The following CLCN4 variants were observed in gnomAD, a reference collection of about 807,000 sequenced individuals.
CLCN4 encodes H(+)/Cl(-) exchange transporter 4.
In CLCN4, 1 loss-of-function variant was observed where a neutral mutation model predicts 41.7. The ratio of observed to expected loss-of-function variants is 0.02; its 90% CI spans 0.01 to 0.11. CLCN4 has a LOEUF of 0.11. Ranked by LOEUF, CLCN4 falls within the 10% of genes least tolerant of loss-of-function variation. The pLI is 1.00. For missense variants in CLCN4, 287 were observed against 661.0 expected, an observed-to-expected ratio of 0.43 and a Z score of 6.20; for synonymous variants, 277 against 285.8, an observed-to-expected ratio of 0.97 and a Z score of 0.31.
At chrX:10,189,711 C>T (rs1482506978) in intron 4 of CLCN4, among the ~76,000 whole-genome samples, 2 of 112,369 alleles carry the variant, frequency 1.8e-5, no homozygotes. Flanking sequence ...GGCCGGCTGT[C>T]CCCTCAGTGG....
Position 10,201,347 on chromosome X carries a change from C to A in CLCN4, c.555+3286C>A, listed in dbSNP as rs1186083868. Among the ~76,000 whole-genome samples the A allele has an allele frequency of 5.4e-5, 6 of 111,988 alleles. No individual in the cohort carries two copies. The South Asian group carries it at 1.8e-3, about 34-fold the overall frequency. ...TCTCTATTTCCTAAATAGTTCATAA[C>A]AATCTTTTAAAGAACTTTCAGGAAC... is the stretch of plus-strand genomic sequence containing the variant. On this transcript the variant is annotated intron_variant, in intron 6 of 12. Coordinates refer to ENST00000380833, the MANE Select transcript of CLCN4 (RefSeq NM_001830.4).
intron 2 of CLCN4, among the ~76,000 whole-genome samples, chrX:10,177,117 GA>G (rs1245051427): frequency 4.4e-5 from 5 of 112,648 alleles, no homozygotes; most frequent in African/African-American, 9.7e-5. Context: ...ATATGGTTGA[GA>G]AAAAACCAAA....
At chrX:10,201,133 C>T (rs975618130) in intron 6 of CLCN4, among the ~76,000 whole-genome samples, 3 of 111,826 alleles carry the variant, frequency 2.7e-5, no homozygotes, top group East Asian at 2.8e-4. Context: ...AATGAAAAAA[C>T]GTATGTGCTA....
chrX:10,209,485 C>G (rs1002499331), intron 9 of CLCN4, among the ~76,000 whole-genome samples: 20 of 109,237 alleles, frequency 1.8e-4, no homozygotes, highest in African/African-American at 6.4e-4. Context: ...CTCAGCCTCC[C>G]AAGTAGCTGG....
At chrX:10,180,490 G>A (rs896896714) in intron 2 of CLCN4, among the ~76,000 whole-genome samples, 3 of 111,377 alleles carry the variant, frequency 2.7e-5, no homozygotes, top group Non-Finnish European at 3.8e-5. Context: ...CCACCTGGCC[G>A]GGCGCAGTGG....
chrX:10,194,778 C>A lies in CLCN4; in HGVS notation c.245-133C>A. 3 of 551,574 alleles carry A rather than the reference C, an allele frequency of 5.4e-6. No homozygotes were observed. The Admixed American group carries it at 8.8e-5, about 16-fold the overall frequency. The allele number at this position is 551,574 out of a possible 1,213,427, so 45.5% of individuals were successfully genotyped here. The stretch of plus-strand genomic sequence containing the variant: ...AAGCTTCCTATGTAAGTGACAGCCC[C>A]ATTGCAAGTTTATTGCCTGCTCTGG... On this transcript the variant is annotated intron_variant, in intron 4 of 12. Coordinates refer to ENST00000380833, the MANE Select transcript of CLCN4 (RefSeq NM_001830.4).
intron 3 of CLCN4, among the ~76,000 whole-genome samples, chrX:10,186,328 G>A (rs886575497): frequency 9.0e-6 from 1 of 111,340 alleles, no homozygotes; most frequent in African/African-American, 3.3e-5. Context: ...GGTGTGCAGA[G>A]ACAGAAGGGA....
intron 2 of CLCN4, among the ~76,000 whole-genome samples, chrX:10,158,846 G>T (rs1923023668): frequency 8.8e-6 from 1 of 113,556 alleles, no homozygotes; most frequent in Middle Eastern, 4.6e-3. Flanking sequence ...TCCGGCGGGG[G>T]AACAAAATCT....
At chrX:10,169,021 ATCT>A (rs1326666072) in intron 2 of CLCN4, among the ~76,000 whole-genome samples, 1 of 109,822 alleles carries the variant, frequency 9.1e-6, no homozygotes, top group Non-Finnish European at 1.9e-5. Context: ...CTTTTAAGAG[ATCT>A]TCTTTTTCAC....
chrX:10,166,074 G>A (rs1470696409), intron 2 of CLCN4, among the ~76,000 whole-genome samples: 1 of 112,156 alleles, frequency 8.9e-6, no homozygotes, highest in Non-Finnish European at 1.9e-5. Context: ...GTCAGAAAAT[G>A]GTGAAGGGAA....
intron 12 of CLCN4, among the ~76,000 whole-genome samples, chrX:10,224,111 C>A (rs972191450): frequency 2.7e-5 from 3 of 111,324 alleles, no homozygotes; most frequent in African/African-American, 6.6e-5. Context: ...TATGCACGAA[C>A]CCAAGGCAGC....
intron 12 of CLCN4, among the ~76,000 whole-genome samples, chrX:10,231,516 A>G (rs181048253): frequency 9.0e-6 from 1 of 110,594 alleles, no homozygotes; most frequent in East Asian, 2.8e-4. Flanking sequence ...TTAATGAGAG[A>G]TTTTTAAACA....
rs1254278295 is a variant in CLCN4, at chrX:10,195,806, G to A, written c.432+708G>A. 3.6e-5 allele frequency among the ~76,000 whole-genome samples: 4 copies of A among 112,311 alleles called. No individual in the cohort carries two copies. In the East Asian group the frequency reaches 1.1e-3, roughly 31 times the overall value. On this transcript the variant is annotated intron_variant, in intron 5 of 12. Transcript: ENST00000380833. ...TCATGTTTCCAGACTTCTTCCTATTGTAGCATGAACCATTACTTCATTTTT... is the reference window on the plus strand; with the variant it reads ...TCATGTTTCCAGACTTCTTCCTATTATAGCATGAACCATTACTTCATTTTT...
rs751824777 is a variant in CLCN4, at chrX:10,236,616, C to T, written c.*3032C>T. 8.9e-6 allele frequency: 1 copy of T among 111,781 alleles called. No individual in the cohort carries two copies. The highest frequency in any genetic ancestry group is 3.7e-4 in the South Asian group (1 of 2,683). The allele number at this position is 111,781 out of a possible 1,213,427, so 9.2% of individuals were successfully genotyped here. ...TTGTAAACGTAGTTGGGTAGGGATC[C>T]CAAGGGTATTTGCTCTCTCCAAATG... On this transcript the variant is annotated 3_prime_UTR_variant, in exon 13 of 13. Transcript: ENST00000380833.
At chrX:10,231,557 A>C (rs765851128) in intron 12 of CLCN4, among the ~76,000 whole-genome samples, 4 of 111,392 alleles carry the variant, frequency 3.6e-5, no homozygotes, top group Non-Finnish European at 7.5e-5. Flanking sequence ...GACACAGGAG[A>C]TACATGTGCA....
At chrX:10,219,438 T>A (rs1257924564) in intron 11 of CLCN4, among the ~76,000 whole-genome samples, 1 of 112,318 alleles carries the variant, frequency 8.9e-6, no homozygotes, top group Non-Finnish European at 1.9e-5. Context: ...AGTCTACATT[T>A]GAAAACGCGT....
At chrX:10,206,928 T>TGTTTTC (rs1184603595) in intron 8 of CLCN4, 152 bp downstream of exon 8, 3 of 457,300 alleles carry the variant, frequency 6.6e-6, no homozygotes, top group Admixed American at 9.5e-5. Context: ...TTTTTGTTTT[T>TGTTTTC]GTTTTTTTTG....
intron 4 of CLCN4, among the ~76,000 whole-genome samples, chrX:10,193,124 A>G (rs1195518393): frequency 4.5e-5 from 5 of 111,866 alleles, no homozygotes; most frequent in Non-Finnish European, 9.4e-5. Context: ...TTTGCTACAA[A>G]GATTTGGGAG....
rs1240489427 is a variant in CLCN4 at position 10,235,858 on chromosome X, G to T, written c.*2274G>T. On this transcript the variant is annotated 3_prime_UTR_variant, in exon 13 of 13. Transcript: ENST00000380833. ...GAATTTAATCCTTGGTCCTATAAAAGAATAAAATTCATTGTCGTATTTATA... is the reference window on the plus strand; with the variant it reads ...GAATTTAATCCTTGGTCCTATAAAATAATAAAATTCATTGTCGTATTTATA... 4 of 112,328 alleles carry T rather than the reference G, an allele frequency of 3.6e-5. No homozygotes were observed. The highest frequency in any genetic ancestry group is 5.6e-5 in the Non-Finnish European group (3 of 53,299). The allele number at this position is 112,328 out of a possible 1,213,427, so 9.3% of individuals were successfully genotyped here. A position where few individuals can be genotyped will look rare whatever the true frequency, so the allele number is the denominator to read the frequency against.
Sources: gnomAD v4.1 joint callset for allele counts (sites outside exome capture counted in the v4.1 genomes callset) on GRCh38, gnomAD v4.1.1 for gene constraint, MANE v1.5 for transcripts, NCBI Gene and HGNC (gene_info 2026-07-23, HGNC 2026-07-21) for gene names.